Variants in MDGA2 observed in about 807,000 individuals in gnomAD.
The protein encoded by MDGA2 is MAM domain-containing glycosylphosphatidylinositol anchor protein 2.
A neutral mutation model predicts 117.8 loss-of-function variants in MDGA2; 40 were observed. The ratio of observed to expected loss-of-function variants is 0.34; its 90% CI spans 0.26 to 0.44. The LOEUF (loss-of-function observed/expected upper bound fraction) is 0.44, where lower values mean the gene tolerates loss of function less well. MDGA2 is among the 20% of genes least tolerant of loss of function. MDGA2 has a pLI of 1.00. For synonymous variants in MDGA2, 452 were observed against 439.0 expected, an observed-to-expected ratio of 1.03 and a Z score of -0.37; for missense variants, 1,123 against 1,250.6, an observed-to-expected ratio of 0.90 and a Z score of 1.54.
chr14:46,993,463 G>T (rs993571831), intron 8 of MDGA2, among the ~76,000 whole-genome samples: 1 of 148,330 alleles, frequency 6.7e-6, no homozygotes, highest in African/African-American at 2.4e-5. Context: ...TTTTTTGGGG[G>T]GGACTTTTTT....
At chr14:47,591,079 AT>A (rs1896428984) in intron 1 of MDGA2, among the ~76,000 whole-genome samples, 1 of 152,094 alleles carries the variant, frequency 6.6e-6, no homozygotes, top group Non-Finnish European at 1.5e-5. Context: ...TAGAACTTTG[AT>A]AAGTCAAAAG....
At chr14:47,203,713 G>C (rs1207167970) in intron 3 of MDGA2, among the ~76,000 whole-genome samples, 1 of 151,976 alleles carries the variant, frequency 6.6e-6, no homozygotes, top group Non-Finnish European at 1.5e-5. Context: ...CCTAGGGGAA[G>C]ACTTTTGACA....
intron 1 of MDGA2, among the ~76,000 whole-genome samples, chr14:47,660,730 A>T (rs1277463133): frequency 1.4e-5 from 2 of 139,286 alleles, no homozygotes; most frequent in Admixed American, 7.9e-5. Flanking sequence ...GGGAGAAATA[A>T]AGTAGTACAC....
intron 1 of MDGA2, among the ~76,000 whole-genome samples, chr14:47,669,070 C>T (rs1898028462): frequency 6.6e-6 from 1 of 152,158 alleles, no homozygotes; most frequent in Non-Finnish European, 1.5e-5. Context: ...AAGGCTTATG[C>T]TATAATCCCA....
At chr14:47,267,492 T>G (rs1290390551) in intron 2 of MDGA2, among the ~76,000 whole-genome samples, 1 of 152,170 alleles carries the variant, frequency 6.6e-6, no homozygotes, top group African/African-American at 2.4e-5. Context: ...TTTTTTTCTT[T>G]TCCAGTCACT....
chr14:47,664,630 A>G (rs116370773), intron 1 of MDGA2, among the ~76,000 whole-genome samples: 113 of 152,352 alleles, frequency 7.4e-4, no homozygotes, highest in Middle Eastern at 3.4e-3. Context: ...ACAGTTTTCA[A>G]CTACATCATG....
chr14:47,042,384 G>A (rs1889109885), intron 7 of MDGA2, among the ~76,000 whole-genome samples: 1 of 149,956 alleles, frequency 6.7e-6, no homozygotes, highest in Admixed American at 6.7e-5. Context: ...CAAAACAAGA[G>A]ATGGGTTAAA....
chr14:46,845,131 C>T (rs1446651251), intron 16 of MDGA2, among the ~76,000 whole-genome samples: 1 of 152,196 alleles, frequency 6.6e-6, no homozygotes, highest in Non-Finnish European at 1.5e-5. Context: ...GATCCACCCG[C>T]CTCGGCCTCC....
intron 1 of MDGA2, among the ~76,000 whole-genome samples, chr14:47,512,563 C>T (rs939538426): frequency 6.6e-6 from 1 of 152,100 alleles, no homozygotes; most frequent in Non-Finnish European, 1.5e-5. Flanking sequence ...ATGCTTTGTT[C>T]TATCGACATC....
chr14:47,638,920 T>C (rs940766410), intron 1 of MDGA2, among the ~76,000 whole-genome samples: 15 of 152,178 alleles, frequency 9.9e-5, no homozygotes, highest in African/African-American at 3.4e-4. Context: ...TTACTTTCTC[T>C]AGTTCTGTGT....
chr14:47,595,531 T>TA lies in MDGA2; in HGVS notation c.280+78985dup, dbSNP rs1251581750. 5.3e-5 allele frequency among the ~76,000 whole-genome samples: 3 copies of TA among 57,024 alleles called. No individual in the cohort carries two copies. The Admixed American group carries it at 7.8e-4, about 15-fold the overall frequency. The allele number at this position is 57,024 out of a possible 152,430, so 37.4% of individuals were successfully genotyped here. A position where few individuals can be genotyped will look rare whatever the true frequency, so the allele number is the denominator to read the frequency against. The stretch of plus-strand genomic sequence containing the variant: ...CCTAGGTGACGAGTGAAACTCCTTC[T>TA]AAAAAAACCAAAAAACAAAAAAAAA... On this transcript the variant is annotated intron_variant, in intron 1 of 16. Coordinates refer to ENST00000399232, the MANE Select transcript of MDGA2 (RefSeq NM_001113498.3).
At chr14:47,395,510 A>AT (rs1891988952) in intron 1 of MDGA2, among the ~76,000 whole-genome samples, 1 of 152,160 alleles carries the variant, frequency 6.6e-6, no homozygotes, top group Non-Finnish European at 1.5e-5. Context: ...GAAAGCAATA[A>AT]TTTTTAAAAT....
At chr14:47,639,822 G>C (rs1251379570) in intron 1 of MDGA2, among the ~76,000 whole-genome samples, 1 of 152,098 alleles carries the variant, frequency 6.6e-6, no homozygotes, top group Non-Finnish European at 1.5e-5. Context: ...CTGCACAGTA[G>C]AAACACTGCC....
intron 16 of MDGA2, among the ~76,000 whole-genome samples, chr14:46,844,628 A>G: frequency 6.6e-6 from 1 of 152,186 alleles, no homozygotes; most frequent in Non-Finnish European, 1.5e-5. Flanking sequence ...CTATATTCAC[A>G]AACTGGACGA....
At chr14:47,314,712 G>C (rs1889752199) in intron 1 of MDGA2, among the ~76,000 whole-genome samples, 3 of 151,812 alleles carry the variant, frequency 2.0e-5, no homozygotes. Flanking sequence ...TCATACAAGA[G>C]GGAAAAGATA....
intron 1 of MDGA2, among the ~76,000 whole-genome samples, chr14:47,314,144 G>T (rs1464623160): frequency 2.6e-5 from 4 of 152,108 alleles, no homozygotes; most frequent in Non-Finnish European, 5.9e-5. Flanking sequence ...CTGGGCAAAT[G>T]GTTTGACCTT....
At chr14:47,537,175 A>G (rs1261962224) in intron 1 of MDGA2, among the ~76,000 whole-genome samples, 1 of 152,042 alleles carries the variant, frequency 6.6e-6, no homozygotes, top group Non-Finnish European at 1.5e-5. Flanking sequence ...AAATTCTGCC[A>G]ACTGTCATTC....
At chr14:47,420,069 T>C (rs1005145835) in intron 1 of MDGA2, among the ~76,000 whole-genome samples, 1 of 152,108 alleles carries the variant, frequency 6.6e-6, no homozygotes, top group Non-Finnish European at 1.5e-5. Flanking sequence ...AGTGTGGGGT[T>C]TGGATGGAAG....
At chr14:47,470,232 A>C (rs948618284) in intron 1 of MDGA2, among the ~76,000 whole-genome samples, 1 of 151,496 alleles carries the variant, frequency 6.6e-6, no homozygotes, top group Non-Finnish European at 1.5e-5. Flanking sequence ...TGTCAGCTAC[A>C]TTAGGTATTT....
Sources: gnomAD v4.1 joint callset for allele counts (sites outside exome capture counted in the v4.1 genomes callset) on GRCh38, gnomAD v4.1.1 for gene constraint, MANE v1.5 for transcripts, NCBI Gene and HGNC (gene_info 2026-07-23, HGNC 2026-07-21) for gene names.